AREL1: variants seen among roughly 807,000 people sequenced by gnomAD.
AREL1 encodes the protein apoptosis-resistant E3 ubiquitin protein ligase 1.
Under a neutral mutation model 99.0 loss-of-function variants are expected in AREL1, and 62 were observed. That is an observed-to-expected ratio of 0.63 (90% CI 0.51 to 0.77). AREL1 has a LOEUF of 0.77. Among genes scored for constraint, AREL1 ranks in the 30% least tolerant of loss-of-function variants. The pLI, the probability that AREL1 is intolerant of heterozygous loss-of-function variation, is 0.00. For synonymous variants in AREL1, 380 were observed against 376.5 expected (o/e 1.01, Z -0.11); for missense variants, 879 against 1,027.6 (o/e 0.86, Z 1.98).
chr14:74,667,498 G>T lies in AREL1; in HGVS notation c.2011C>A (p.Gln671Lys). The change falls in exon 16 of 20, where the codon CAA (glutamine) becomes AAA (lysine). Residue 671 changes from glutamine to lysine, a missense_variant. Physicochemically the swap from Gln to Lys is moderately conservative, Grantham distance 53 (BLOSUM62 1). Transcript: ENST00000356357. Reference sequence around the variant, plus strand: ...AAATGTTCCACCTCCTCTTTCACTTGACTGGCCAGCCGATATTGGGCCAGC... The same window carrying T: ...AAATGTTCCACCTCCTCTTTCACTTTACTGGCCAGCCGATATTGGGCCAGC... ...NLLAQYRLAS[Q>K]VKEEVEHFLK... The T allele has an allele frequency of 6.2e-7, 1 of 1,613,700 alleles. No individual in the cohort carries two copies. The highest frequency in any genetic ancestry group is 1.3e-5 in the African/African-American group (1 of 75,002).
intron 1 of AREL1, among the ~76,000 whole-genome samples, chr14:74,694,986 C>T (rs1329329559): frequency 1.9e-5 from 2 of 103,566 alleles, no homozygotes; most frequent in Non-Finnish European, 3.6e-5. Flanking sequence ...GAGACTCTGT[C>T]TCGGAAAAAA....
chr14:74,661,470 G>C lies in AREL1; in HGVS notation c.*2250C>G, dbSNP rs1203336656. The C allele has an allele frequency of 3.2e-6, 1 of 317,222 alleles. No homozygotes were observed. Among genetic ancestry groups the C allele is most frequent in the Non-Finnish European group, 6.3e-6 (1 of 159,478 alleles). 19.7% of individuals were successfully genotyped at this position (317,222 alleles called of 1,614,324 possible). A position where few individuals can be genotyped will look rare whatever the true frequency, so the allele number is the denominator to read the frequency against. On this transcript the variant is annotated 3_prime_UTR_variant, in exon 20 of 20. Coordinates refer to ENST00000356357, the MANE Select transcript of AREL1 (RefSeq NM_001039479.2). ...GGGTAGCTGGCCCCCCAAGTACCTG[G>C]GTCACAAGGACATAAATAAAAGAAC...
chr14:74,701,476 G>T (rs978303166), intron 1 of AREL1, among the ~76,000 whole-genome samples: 1 of 152,138 alleles, frequency 6.6e-6, no homozygotes, highest in African/African-American at 2.4e-5. Flanking sequence ...AAAATCATCA[G>T]ATCTTGTGAG....
rs773991226 is a variant in AREL1, at chr14:74,676,724, A to G, written c.510T>C (p.Ile170=). Residue 170 remains isoleucine (I), a synonymous_variant, in exon 6 of 20, where the codon ATT becomes ATC. Coordinates refer to ENST00000356357, the MANE Select transcript of AREL1 (RefSeq NM_001039479.2). ...PGMVVPSKTK[I]VCHFSTLVLT... Reference sequence around the variant, plus strand: ...ATACAAGAGTAGAAAAGTGGCACACAATTTTGGTCTTAGAAGGAACCACCA... The same window carrying G: ...ATACAAGAGTAGAAAAGTGGCACACGATTTTGGTCTTAGAAGGAACCACCA... The G allele has an allele frequency of 1.2e-6, 2 of 1,610,820 alleles. No individual in the cohort carries two copies.
chr14:74,699,504 C>T (rs2090044162), intron 1 of AREL1, among the ~76,000 whole-genome samples: 1 of 152,080 alleles, frequency 6.6e-6, no homozygotes, highest in South Asian at 2.1e-4. Flanking sequence ...CCCTGGCCAC[C>T]CTCAACCGTG....
intron 5 of AREL1, 55 bp from the exon 6 acceptor site, chr14:74,676,807 T>C: frequency 1.5e-6 from 2 of 1,307,826 alleles, no homozygotes; most frequent in Non-Finnish European, 2.0e-6. Context: ...TTTATTTTTA[T>C]TTTTTTTGAG....
At chr14:74,674,483 T>C (rs1464509019) in intron 8 of AREL1, among the ~76,000 whole-genome samples, 1 of 152,016 alleles carries the variant, frequency 6.6e-6, no homozygotes, top group Non-Finnish European at 1.5e-5. Flanking sequence ...ATGCCTGTAA[T>C]CCCAAGTACT....
At chr14:74,671,576 G>T in intron 11 of AREL1, 93 bp from the exon 12 acceptor site, 1 of 767,960 alleles carries the variant, frequency 1.3e-6, no homozygotes, top group Non-Finnish European at 2.1e-6. Flanking sequence ...ATTGTCTGCT[G>T]GACTAACTAC....
intron 1 of AREL1, among the ~76,000 whole-genome samples, chr14:74,703,855 A>G (rs369285766): frequency 6.6e-6 from 1 of 152,228 alleles, no homozygotes. Flanking sequence ...TAAATATCTA[A>G]GAATGGGATT....
chr14:74,692,190 T>C lies in AREL1; in HGVS notation c.-195A>G. 2.2e-6 allele frequency: 1 copy of C among 454,430 alleles called. No individual in the cohort carries two copies. The highest frequency in any genetic ancestry group is 4.4e-6 in the Non-Finnish European group (1 of 226,492). The allele number at this position is 454,430 out of a possible 1,614,324, so 28.1% of individuals were successfully genotyped here. A position where few individuals can be genotyped will look rare whatever the true frequency, so the allele number is the denominator to read the frequency against. On this transcript the variant is annotated 5_prime_UTR_variant, in exon 2 of 20. Transcript: ENST00000356357. ...ACAGAAAGGGTCTATCCATCAGACT[T>C]TGTCACAGTAATCAGGTCAGTGTTT...
chr14:74,673,007 C>T lies in AREL1; in HGVS notation c.1301-55G>A, dbSNP rs548825422. The T allele has an allele frequency of 2.5e-5, 41 of 1,613,966 alleles. No individual in the cohort carries two copies. In the East Asian group the frequency reaches 8.7e-4, roughly 34 times the overall value. ...CCTCATTACAAGCCATCTGTGTAGT[C>T]CTGCCTCTCCACCCTCATGGATGTG... On this transcript the variant is annotated intron_variant, in intron 10 of 19. Transcript: ENST00000356357.
chr14:74,674,618 A>T (rs1034340770), intron 8 of AREL1, among the ~76,000 whole-genome samples: 5 of 151,962 alleles, frequency 3.3e-5, no homozygotes, highest in Admixed American at 6.6e-5. Flanking sequence ...TAAAATAAAT[A>T]AAAAAAATAT....
rs1366924997 is a variant in AREL1 at position 74,662,640 on chromosome 14, T to A, written c.*1080A>T. On this transcript the variant is annotated 3_prime_UTR_variant, in exon 20 of 20. Transcript: ENST00000356357. ...TGGCAGGTGTTTACTGTGTAACATA[T>A]CACCTCCATGTTCATCCCTAGTGTC... 1.0e-5 allele frequency: 4 copies of A among 398,340 alleles called. No individual in the cohort carries two copies. Among genetic ancestry groups the A allele is most frequent in the African/African-American group, 8.2e-5 (4 of 48,556 alleles). 24.7% of individuals were successfully genotyped at this position (398,340 alleles called of 1,614,324 possible).
At chr14:74,677,817 T>TAA (rs78780006) in intron 5 of AREL1, among the ~76,000 whole-genome samples, 9 of 136,248 alleles carry the variant, frequency 6.6e-5, no homozygotes, top group African/African-American at 2.2e-4. Context: ...GTCTCTTTAT[T>TAA]AAAAAAAAAA....
intron 18 of AREL1, among the ~76,000 whole-genome samples, chr14:74,664,305 C>G (rs2089157520): frequency 6.6e-6 from 1 of 152,214 alleles, no homozygotes; most frequent in African/African-American, 2.4e-5. Context: ...TTTACTACTC[C>G]TGTGGCAGTC....
intron 2 of AREL1, 75 bp from the exon 3 acceptor site, chr14:74,685,735 G>A: frequency 1.5e-6 from 2 of 1,332,556 alleles, no homozygotes; most frequent in Middle Eastern, 1.8e-4. Flanking sequence ...ACAAAGAAGA[G>A]TGTATGGCGT....
chr14:74,712,886 A>C, intron 1 of AREL1, 47 bp downstream of exon 1: 1 of 567,162 alleles, frequency 1.8e-6, no homozygotes, highest in Non-Finnish European at 3.3e-6. Context: ...GAACTCTGGT[A>C]AAGGCAGGTC....
chr14:74,674,183 A>T, intron 8 of AREL1, 72 bp from the exon 9 acceptor site: 1 of 1,232,608 alleles, frequency 8.1e-7, no homozygotes, highest in Non-Finnish European at 1.2e-6. Context: ...TCTAATTCAA[A>T]TATCATAGTC....
chr14:74,674,202 C>G, intron 8 of AREL1, 91 bp from the exon 9 acceptor site: 1 of 1,071,868 alleles, frequency 9.3e-7, no homozygotes, highest in Non-Finnish European at 1.4e-6. Context: ...TCCCTATTTA[C>G]ATTTCTCATA....
Sources: gnomAD v4.1 joint callset for allele counts (sites outside exome capture counted in the v4.1 genomes callset) on GRCh38, gnomAD v4.1.1 for gene constraint, MANE v1.5 for transcripts, NCBI Gene and HGNC (gene_info 2026-07-23, HGNC 2026-07-21) for gene names.